Variants in C17orf78 observed in about 807,000 individuals in gnomAD.
The protein encoded by C17orf78 is chromosome 17 open reading frame 78, also known as uncharacterized protein C17orf78.
Under a neutral mutation model 31.8 loss-of-function variants are expected in C17orf78, and 27 were observed. That is an observed-to-expected ratio of 0.85 (90% CI 0.63 to 1.17). C17orf78 has a LOEUF of 1.17. Ranked by LOEUF, C17orf78 falls within the 50% of genes most tolerant of loss-of-function variation. C17orf78 has a pLI of 0.00. For synonymous variants in C17orf78, 106 were observed against 115.1 expected, an observed-to-expected ratio of 0.92 and a Z score of 0.51; for missense variants, 258 against 315.2, an observed-to-expected ratio of 0.82 and a Z score of 1.37.
intron 4 of C17orf78, 71 bp from the exon 5 acceptor site, chr17:37,388,599 G>A (rs2050653332): frequency 6.6e-7 from 1 of 1,517,914 alleles, no homozygotes; most frequent in East Asian, 2.3e-5. Flanking sequence ...AAGAACTTCA[G>A]GTCAAAGGAT....
intron 2 of C17orf78, 105 bp downstream of exon 2, chr17:37,378,070 C>A: frequency 9.3e-7 from 1 of 1,075,072 alleles, no homozygotes; most frequent in South Asian, 1.4e-5. Flanking sequence ...CTCAAATATC[C>A]TATTTTAAGG....
chr17:37,387,365 GC>G (rs1205208594), intron 4 of C17orf78: 1 of 151,582 alleles, frequency 6.6e-6, no homozygotes, highest in Non-Finnish European at 1.5e-5. Flanking sequence ...TGATCCGCCT[GC>G]CTCAGCCTCC....
intron 1 of C17orf78, 36 bp downstream of exon 1, chr17:37,376,186 C>G (rs368430689): frequency 1.4e-5 from 21 of 1,550,568 alleles, no homozygotes; most frequent in Non-Finnish European, 1.4e-5. Context: ...CTGGAAAATA[C>G]AGAGAGAGGC....
chr17:37,377,847 G>C lies in C17orf78; in HGVS notation c.59-32G>C, dbSNP rs551055529. The C allele has an allele frequency of 1.7e-3, 2,400 of 1,420,876 alleles. 62 individuals are homozygous for C. In the South Asian group the frequency reaches 0.027, roughly 16 times the overall value. The allele number at this position is 1,420,876 out of a possible 1,614,324, so 88.0% of individuals were successfully genotyped here. ...TTCTGATTTTCCCCAAACCTTCCCC[G>C]GTTCCCCTCCTCCCCCTCTGCTCAC... On this transcript the variant is annotated intron_variant, in intron 1 of 6. Coordinates refer to ENST00000615133, the MANE Select transcript of C17orf78 (RefSeq NM_173625.5).
At chr17:37,380,949 C>A (rs1000651047) in intron 3 of C17orf78, among the ~76,000 whole-genome samples, 4 of 150,866 alleles carry the variant, frequency 2.7e-5, no homozygotes. Flanking sequence ...AATATTCAAA[C>A]AGTATAGATT....
chr17:37,378,076 T>G lies in C17orf78; in HGVS notation c.145+111T>G, dbSNP rs2050085980. 10 of 972,100 alleles carry G rather than the reference T, an allele frequency of 1.0e-5. No homozygotes were observed. In the Admixed American group the frequency reaches 1.5e-4, roughly 15 times the overall value. 60.2% of individuals were successfully genotyped at this position (972,100 alleles called of 1,614,324 possible). On this transcript the variant is annotated intron_variant, in intron 2 of 6. Coordinates refer to ENST00000615133, the MANE Select transcript of C17orf78 (RefSeq NM_173625.5). ...AGCCCATATCTCAAATATCCTATTT[T>G]AAGGATATGTATCCTCCCAGGGGGC... is the stretch of plus-strand genomic sequence containing the variant.
chr17:37,376,037 AGGGCTGTGACAGATGAGCAGT>A lies in C17orf78; in HGVS notation c.-53_-33del. ...AAAGCAACTAGAGGCAGAGCTATCA[AGGGCTGTGACAGATGAGCAGT>A]GGTCTGTCTGCAATGAGCATGTGCT... On this transcript the variant is annotated 5_prime_UTR_variant, in exon 1 of 7. It removes an upstream start codon present in the reference 5' UTR. Transcript: ENST00000615133. The A allele has an allele frequency of 6.8e-7, 1 of 1,472,774 alleles. No individual in the cohort carries two copies. The highest frequency in any genetic ancestry group is 2.3e-5 in the East Asian group (1 of 44,124). 91.2% of individuals were successfully genotyped at this position (1,472,774 alleles called of 1,614,324 possible).
chr17:37,382,929 C>T (rs2050368619), intron 3 of C17orf78, among the ~76,000 whole-genome samples: 3 of 152,114 alleles, frequency 2.0e-5, no homozygotes, highest in East Asian at 1.9e-4. Flanking sequence ...CCCAGCTACT[C>T]GGGAGGCTGA....
intron 6 of C17orf78, among the ~76,000 whole-genome samples, chr17:37,390,334 A>ATATATAT (rs2050822111): frequency 1.6e-4 from 15 of 93,384 alleles, no homozygotes; most frequent in South Asian, 6.2e-4. Context: ...ATATATATAT[A>ATATATAT]AAAGGCCAGC....
At chr17:37,387,042 C>G (rs2050568772) in intron 4 of C17orf78, 1 of 152,394 alleles carries the variant, frequency 6.6e-6, no homozygotes, top group Admixed American at 6.6e-5. Context: ...GTCTCAGACT[C>G]CTGGGCTCAA....
At chr17:37,376,505 G>T (rs1431851996) in intron 1 of C17orf78, among the ~76,000 whole-genome samples, 1 of 152,184 alleles carries the variant, frequency 6.6e-6, no homozygotes. Flanking sequence ...CCTTTTTTAA[G>T]TTGGTACATG....
intron 4 of C17orf78, 58 bp downstream of exon 4, chr17:37,386,183 C>T (rs1597773072): frequency 3.5e-6 from 4 of 1,146,978 alleles, no homozygotes; most frequent in Non-Finnish European, 5.0e-6. Context: ...AAAATGGGAA[C>T]AGAAAAGAAA....
At chr17:37,377,780 C>A in intron 1 of C17orf78, 99 bp from the exon 2 acceptor site, 5 of 894,672 alleles carry the variant, frequency 5.6e-6, no homozygotes, top group South Asian at 1.7e-5. Flanking sequence ...TCTTTCATAT[C>A]TTCTCCATTG....
chr17:37,390,303 A>ATTTTATATATATATAT lies in C17orf78; in HGVS notation c.750+943_750+944insTTATATATATATATTT, dbSNP rs1167945419. On this transcript the variant is annotated intron_variant, in intron 6 of 6. Coordinates refer to ENST00000615133, the MANE Select transcript of C17orf78 (RefSeq NM_173625.5). Reference sequence around the variant, plus strand: ...TATATATAATTATATATTATACATAATTATATATATATATATATATATATA... The same window carrying ATTTTATATATATATAT: ...TATATATAATTATATATTATACATAATTTTATATATATATATTTATATATATATATATATATATATA... Among the ~76,000 whole-genome samples, 9 of 19,946 alleles carry ATTTTATATATATATAT rather than the reference A, an allele frequency of 4.5e-4. 1 individual carries two copies. Among genetic ancestry groups the ATTTTATATATATATAT allele is most frequent in the South Asian group, 3.7e-3 (2 of 540 alleles). 13.1% of individuals were successfully genotyped at this position (19,946 alleles called of 152,430 possible). A position where few individuals can be genotyped will look rare whatever the true frequency, so the allele number is the denominator to read the frequency against.
At chr17:37,381,775 T>G (rs4485415) in intron 3 of C17orf78, among the ~76,000 whole-genome samples, 6 of 151,322 alleles carry the variant, frequency 4.0e-5, no homozygotes, top group Non-Finnish European at 8.8e-5. Context: ...CTACAGGCAC[T>G]CGCCACCACA....
At chr17:37,379,523 A>T (rs1257109390) in intron 3 of C17orf78, 141 bp downstream of exon 3, 2 of 1,239,562 alleles carry the variant, frequency 1.6e-6, no homozygotes, top group African/African-American at 1.5e-5. Flanking sequence ...TTTTCTTGTA[A>T]ATTTGTTTGA....
chr17:37,386,540 C>T (rs1356643694), intron 4 of C17orf78, among the ~76,000 whole-genome samples: 2 of 152,144 alleles, frequency 1.3e-5, no homozygotes, highest in South Asian at 2.1e-4. Context: ...TGCAGTGAGC[C>T]GAGATTGTCC....
chr17:37,388,884 A>G, intron 5 of C17orf78, 90 bp downstream of exon 5: 1 of 1,493,604 alleles, frequency 6.7e-7, no homozygotes, highest in Non-Finnish European at 9.1e-7. Flanking sequence ...AGAAAAGCAT[A>G]GACTTTGGAA....
At chr17:37,385,000 C>T (rs530867796) in intron 3 of C17orf78, among the ~76,000 whole-genome samples, 4 of 152,276 alleles carry the variant, frequency 2.6e-5, no homozygotes, top group Admixed American at 2.0e-4. Context: ...ATTCTGGAGA[C>T]GAGTGAGGTT....
Sources: allele counts gnomAD v4.1 joint callset (sites outside exome capture counted in the v4.1 genomes callset), GRCh38; gene constraint gnomAD v4.1.1; transcripts MANE v1.5; gene names NCBI Gene and HGNC (gene_info 2026-07-23, HGNC 2026-07-21).